The following PLEKHF2 variants were observed in gnomAD, a reference collection of about 807,000 sequenced individuals.
The protein encoded by PLEKHF2 is pleckstrin homology domain-containing family F member 2.
A neutral mutation model predicts 14.7 loss-of-function variants in PLEKHF2; 4 were observed. The ratio of observed to expected loss-of-function variants is 0.27; its 90% CI spans 0.13 to 0.62. The LOEUF is 0.62. Among genes scored for constraint, PLEKHF2 ranks in the 20% least tolerant of loss-of-function variants. The pLI is 0.85. For synonymous variants in PLEKHF2, 90 were observed against 103.5 expected (o/e 0.87, Z 0.79); for missense variants, 201 against 307.7 (o/e 0.65, Z 2.60).
intron 1 of PLEKHF2, among the ~76,000 whole-genome samples, chr8:95,136,835 T>C (rs1810380959): frequency 6.6e-6 from 1 of 152,256 alleles, no homozygotes; most frequent in Non-Finnish European, 1.5e-5. Flanking sequence ...AAATACTTCA[T>C]GGATACACTT....
At chr8:95,152,541 G>A (rs1035567538) in intron 1 of PLEKHF2, among the ~76,000 whole-genome samples, 11 of 151,794 alleles carry the variant, frequency 7.2e-5, no homozygotes, top group African/African-American at 2.4e-4. Flanking sequence ...TTTATTAGCC[G>A]TTTTTATTTC....
At chr8:95,143,404 A>G (rs138834885) in intron 1 of PLEKHF2, among the ~76,000 whole-genome samples, 79 of 152,222 alleles carry the variant, frequency 5.2e-4, no homozygotes, top group African/African-American at 1.9e-3. Context: ...CGGCCTGGAA[A>G]TAATCTTTTT....
At chr8:95,135,482 C>T (rs1311159548) in intron 1 of PLEKHF2, among the ~76,000 whole-genome samples, 1 of 152,146 alleles carries the variant, frequency 6.6e-6, no homozygotes, top group African/African-American at 2.4e-5. Flanking sequence ...CCGCTCACTG[C>T]AGCCTCAAAC....
At position 95,134,001 on chromosome 8, in the gene PLEKHF2, TCGCCGCCGC is replaced by T. The variant is rs946435804; in HGVS notation, c.-36_-28del. 6.8e-6 allele frequency: 1 copy of T among 148,130 alleles called. No individual in the cohort carries two copies. The highest frequency in any genetic ancestry group is 1.5e-5 in the Non-Finnish European group (1 of 67,088). The allele number at this position is 148,130 out of a possible 1,614,324, so 9.2% of individuals were successfully genotyped here. A position where few individuals can be genotyped will look rare whatever the true frequency, so the allele number is the denominator to read the frequency against. On this transcript the variant is annotated 5_prime_UTR_variant, in exon 1 of 2. Transcript: ENST00000315367. Reference sequence around the variant, plus strand: ...GAGGATCGGACCTTCGCCTTCGCTGTCGCCGCCGCCGCCGCCCGCGGCCGTCGGGGTAGG... The same window carrying T: ...GAGGATCGGACCTTCGCCTTCGCTGTCGCCGCCCGCGGCCGTCGGGGTAGG...
intron 1 of PLEKHF2, among the ~76,000 whole-genome samples, chr8:95,140,007 GT>G (rs1281445448): frequency 2.0e-5 from 3 of 151,870 alleles, no homozygotes; most frequent in African/African-American, 7.3e-5. Flanking sequence ...CTCTGCTCTC[GT>G]TTTTCTTCCA....
chr8:95,137,421 T>C (rs1436959193), intron 1 of PLEKHF2, among the ~76,000 whole-genome samples: 2 of 152,216 alleles, frequency 1.3e-5, no homozygotes, highest in Non-Finnish European at 2.9e-5. Context: ...TTAAAAAGAA[T>C]ATTGCCTGGA....
chr8:95,139,783 T>C (rs1172568460), intron 1 of PLEKHF2, among the ~76,000 whole-genome samples: 2 of 151,804 alleles, frequency 1.3e-5, no homozygotes, highest in African/African-American at 4.9e-5. Flanking sequence ...AGATATTTTA[T>C]TGTTACACAT....
intron 1 of PLEKHF2, among the ~76,000 whole-genome samples, chr8:95,147,178 T>C (rs1162682057): frequency 2.6e-5 from 4 of 152,072 alleles, no homozygotes; most frequent in Non-Finnish European, 2.9e-5. Flanking sequence ...TATTCTTTTA[T>C]TTATTTATTG....
Position 95,154,478 on chromosome 8 carries a change from A to G in PLEKHF2, c.434A>G (p.His145Arg). ...AGTGGGAAGACACCCAGTAATGAAC[A>G]TGCTGCTGTCTGGGTTCCTGACTCT... ...SKSGKTPSNE[H>R]AAVWVPDSEA... The change falls in exon 2 of 2, where the codon CAT (histidine) becomes CGT (arginine). Residue 145 changes from histidine (H) to arginine (R), a missense_variant. By Grantham distance (29) the His-to-Arg change is conservative. Coordinates refer to ENST00000315367, the MANE Select transcript of PLEKHF2 (RefSeq NM_024613.4). This position sits in a 1 kb window ranked among gnomAD's most constrained non-coding sequence, Gnocchi z 5.6. 6.2e-7 allele frequency: 1 copy of G among 1,614,154 alleles called. No homozygotes were observed. The highest frequency in any genetic ancestry group is 8.5e-7 in the Non-Finnish European group (1 of 1,179,982).
intron 1 of PLEKHF2, among the ~76,000 whole-genome samples, chr8:95,141,959 A>G (rs531171337): frequency 6.6e-6 from 1 of 152,112 alleles, no homozygotes; most frequent in African/African-American, 2.4e-5. Flanking sequence ...CAAATGCTGT[A>G]TTCTCTGTGC....
At chr8:95,149,391 T>C (rs1184378750) in intron 1 of PLEKHF2, among the ~76,000 whole-genome samples, 4 of 152,152 alleles carry the variant, frequency 2.6e-5, no homozygotes, top group Non-Finnish European at 4.4e-5. Context: ...TTTATGGGCT[T>C]TCTCTTCCAC....
At chr8:95,136,463 C>T (rs923279986) in intron 1 of PLEKHF2, among the ~76,000 whole-genome samples, 2 of 151,682 alleles carry the variant, frequency 1.3e-5, no homozygotes, top group Non-Finnish European at 2.9e-5. Context: ...TATGAAATTT[C>T]TAAGTAGATA....
At chr8:95,151,013 G>A (rs1324525274) in intron 1 of PLEKHF2, among the ~76,000 whole-genome samples, 2 of 152,094 alleles carry the variant, frequency 1.3e-5, no homozygotes, top group African/African-American at 4.8e-5. Context: ...AGTGCAAAGT[G>A]CTCAGCACAT....
At chr8:95,150,726 G>T (rs1232741803) in intron 1 of PLEKHF2, among the ~76,000 whole-genome samples, 2 of 152,116 alleles carry the variant, frequency 1.3e-5, no homozygotes, top group Non-Finnish European at 2.9e-5. Flanking sequence ...GTTCAAGGTA[G>T]TATTCCCTTA....
chr8:95,141,315 C>T (rs1272544219), intron 1 of PLEKHF2, among the ~76,000 whole-genome samples: 1 of 152,142 alleles, frequency 6.6e-6, no homozygotes, highest in Non-Finnish European at 1.5e-5. Flanking sequence ...TTTGCAGTTA[C>T]TTTTCAACTG....
chr8:95,144,781 T>C (rs1302302183), intron 1 of PLEKHF2, among the ~76,000 whole-genome samples: 18 of 151,574 alleles, frequency 1.2e-4, no homozygotes. Flanking sequence ...TCGGAATTGC[T>C]TGAGCTCGGG....
Position 95,154,843 on chromosome 8 carries a change from C to G in PLEKHF2, c.*49C>G. ...CAGGTGTGGCTATCTGAGAAATCAA[C>G]TTTGGGGGAAATGTAAGATTCTGAG... is the stretch of plus-strand genomic sequence containing the variant. On this transcript the variant is annotated 3_prime_UTR_variant, in exon 2 of 2. Coordinates refer to ENST00000315367, the MANE Select transcript of PLEKHF2 (RefSeq NM_024613.4). This position sits in a 1 kb window ranked among gnomAD's most constrained non-coding sequence, Gnocchi z 5.6. The G allele has an allele frequency of 1.9e-6, 3 of 1,581,196 alleles. No homozygotes were observed. The highest frequency in any genetic ancestry group is 2.6e-6 in the Non-Finnish European group (3 of 1,159,166).
At chr8:95,142,612 CT>C (rs1810451083) in intron 1 of PLEKHF2, among the ~76,000 whole-genome samples, 1 of 152,184 alleles carries the variant, frequency 6.6e-6, no homozygotes, top group Non-Finnish European at 1.5e-5. Flanking sequence ...ACAGCTGCCC[CT>C]GTACAAATAC....
intron 1 of PLEKHF2, among the ~76,000 whole-genome samples, chr8:95,135,123 A>G (rs1341594326): frequency 6.6e-6 from 1 of 152,192 alleles, no homozygotes; most frequent in Non-Finnish European, 1.5e-5. Flanking sequence ...GTATTAAGCT[A>G]TTTATTTGGA....
Sources: gnomAD v4.1 joint callset for allele counts (sites outside exome capture counted in the v4.1 genomes callset) on GRCh38, gnomAD v4.1.1 for gene constraint, Gnocchi (gnomAD v3.1) non-coding constraint, MANE v1.5 for transcripts, NCBI Gene and HGNC (gene_info 2026-07-23, HGNC 2026-07-21) for gene names.